Variants in GDPD5 observed in about 807,000 individuals in gnomAD.
GDPD5 encodes the protein glycerophosphodiester phosphodiesterase domain containing 5.
In GDPD5, 48 loss-of-function variants were observed where a neutral mutation model predicts 75.1. That is an observed-to-expected ratio of 0.64 (90% CI 0.51 to 0.81). GDPD5 has a LOEUF of 0.81. GDPD5 is among the 40% of genes least tolerant of loss of function. The pLI, the probability that GDPD5 is intolerant of heterozygous loss-of-function variation, is 0.00. For synonymous variants in GDPD5, 336 were observed against 339.0 expected, an observed-to-expected ratio of 0.99 and a Z score of 0.10; for missense variants, 706 against 822.6, an observed-to-expected ratio of 0.86 and a Z score of 1.73.
chr11:75,501,720 C>A (rs1174813282), intron 1 of GDPD5, among the ~76,000 whole-genome samples: 1 of 152,132 alleles, frequency 6.6e-6, no homozygotes, highest in Non-Finnish European at 1.5e-5. Flanking sequence ...AGAGCAGGAG[C>A]CGCTCTCCAC....
intron 6 of GDPD5, 148 bp downstream of exon 6, chr11:75,456,609 C>G (rs775701348): frequency 5.5e-5 from 38 of 694,944 alleles, no homozygotes; most frequent in Non-Finnish European, 8.6e-5. Flanking sequence ...GAGAAAAGTG[C>G]TTGGCGCATA....
chr11:75,503,381 C>T (rs1271872995), intron 1 of GDPD5, among the ~76,000 whole-genome samples: 1 of 152,166 alleles, frequency 6.6e-6, no homozygotes, highest in Non-Finnish European at 1.5e-5. Context: ...ACAACAGTAA[C>T]TGGAACAAAT....
At chr11:75,463,050 G>A (rs945813601) in intron 3 of GDPD5, among the ~76,000 whole-genome samples, 161 bp from the exon 4 acceptor site, 2 of 152,218 alleles carry the variant, frequency 1.3e-5, no homozygotes, top group African/African-American at 2.4e-5. Context: ...TCAGAGAGGG[G>A]AAGTGACCTG....
chr11:75,449,988 A>T lies in GDPD5; in HGVS notation c.376-5T>A. On this transcript the variant is annotated splice_region_variant and splice_polypyrimidine_tract_variant and intron_variant, in intron 6 of 16. Coordinates refer to ENST00000336898, the MANE Select transcript of GDPD5 (RefSeq NM_030792.8). ...CAGGATGACCACCAGCCCGATCTGG[A>T]GGGGGAAGAGTCACCGGACAGAGGC... The T allele has an allele frequency of 6.2e-7, 1 of 1,612,618 alleles. No homozygotes were observed. The highest frequency in any genetic ancestry group is 8.5e-7 in the Non-Finnish European group (1 of 1,179,276).
intron 2 of GDPD5, 37 bp from the exon 3 acceptor site, chr11:75,477,832 G>T: frequency 3.9e-6 from 3 of 776,154 alleles, no homozygotes; most frequent in South Asian, 4.3e-5. Context: ...GGCAGGGGAA[G>T]GGTGAGGAGT....
chr11:75,500,798 A>G (rs953783279), intron 1 of GDPD5, among the ~76,000 whole-genome samples: 3 of 151,546 alleles, frequency 2.0e-5, no homozygotes, highest in South Asian at 2.1e-4. Flanking sequence ...CACCCTCCCC[A>G]TCTCCCTTTT....
At chr11:75,488,036 T>A (rs903609223) in intron 2 of GDPD5, among the ~76,000 whole-genome samples, 1 of 152,112 alleles carries the variant, frequency 6.6e-6, no homozygotes, top group Non-Finnish European at 1.5e-5. Flanking sequence ...AGCCTCCCCT[T>A]CCATTCAGAA....
intron 2 of GDPD5, among the ~76,000 whole-genome samples, chr11:75,486,744 G>T (rs887372768): frequency 2.6e-5 from 4 of 152,180 alleles, no homozygotes; most frequent in African/African-American, 9.7e-5. Flanking sequence ...TCCTGACTGG[G>T]TCACTATCTC....
intron 1 of GDPD5, among the ~76,000 whole-genome samples, chr11:75,496,842 G>A (rs142467228): frequency 0.011 from 1,530 of 141,454 alleles, 32 homozygotes; most frequent in African/African-American, 0.039. Flanking sequence ...GTGCAGTGGC[G>A]CGATCACAGC....
chr11:75,491,151 C>T (rs1332972699), intron 1 of GDPD5, among the ~76,000 whole-genome samples: 1 of 152,198 alleles, frequency 6.6e-6, no homozygotes, highest in African/African-American at 2.4e-5. Context: ...ACCAAACACA[C>T]ACCTCTGTGT....
chr11:75,506,148 G>C (rs1047422254), intron 1 of GDPD5, among the ~76,000 whole-genome samples: 2 of 152,168 alleles, frequency 1.3e-5, no homozygotes, highest in East Asian at 3.9e-4. Flanking sequence ...CACACAGTAG[G>C]CACTCAATAA....
At chr11:75,441,414 C>T in intron 13 of GDPD5, 104 bp from the exon 14 acceptor site, 1 of 1,436,412 alleles carries the variant, frequency 7.0e-7, no homozygotes, top group South Asian at 1.3e-5. Flanking sequence ...ACAGCCATGC[C>T]CGGGGCAAGG....
chr11:75,513,867 G>T (rs1440017210), intron 1 of GDPD5, among the ~76,000 whole-genome samples: 1 of 152,214 alleles, frequency 6.6e-6, no homozygotes, highest in Non-Finnish European at 1.5e-5. Flanking sequence ...CTCCACTCCT[G>T]CTGAGGACCT....
chr11:75,519,416 GTTCA>G (rs1950709958), intron 1 of GDPD5, among the ~76,000 whole-genome samples: 1 of 152,148 alleles, frequency 6.6e-6, no homozygotes, highest in South Asian at 2.1e-4. Context: ...CTACCAGGCT[GTTCA>G]TTCATTCATT....
rs754690139 is a variant in GDPD5 at position 75,439,978 on chromosome 11, C to T, written c.1474-17G>A. The T allele has an allele frequency of 1.3e-5, 21 of 1,603,948 alleles. No homozygotes were observed. The highest frequency in any genetic ancestry group is 1.7e-4 in the Middle Eastern group (1 of 6,046). On this transcript the variant is annotated splice_polypyrimidine_tract_variant and intron_variant, in intron 14 of 16. Coordinates refer to ENST00000336898, the MANE Select transcript of GDPD5 (RefSeq NM_030792.8). ...GTCCGGGGGCTGTGGACAGACGGCCCGAGGCCAACTTCCAGTCATGGCCAG... is the reference window on the plus strand; with the variant it reads ...GTCCGGGGGCTGTGGACAGACGGCCTGAGGCCAACTTCCAGTCATGGCCAG...
At chr11:75,522,602 T>A (rs1487788984) in intron 1 of GDPD5, among the ~76,000 whole-genome samples, 1 of 151,984 alleles carries the variant, frequency 6.6e-6, no homozygotes, top group Non-Finnish European at 1.5e-5. Context: ...AGACAGGACA[T>A]CATCAACCCC....
At position 75,452,392 on chromosome 11, in the gene GDPD5, G is replaced by A. The variant is rs1949183920; in HGVS notation, c.376-2409C>T. 2.0e-5 allele frequency: 3 copies of A among 152,406 alleles called. 1 individual carries two copies. Among genetic ancestry groups the A allele is most frequent in the South Asian group, 4.1e-4 (2 of 4,830 alleles). 9.4% of individuals were successfully genotyped at this position (152,406 alleles called of 1,614,324 possible). The stretch of plus-strand genomic sequence containing the variant: ...GGGGAAGATCAGTGAGGAAATGCAA[G>A]TGAAATGCTTAGTACAACGGCTGGC... On this transcript the variant is annotated intron_variant, in intron 6 of 16. Coordinates refer to ENST00000336898, the MANE Select transcript of GDPD5 (RefSeq NM_030792.8).
chr11:75,481,079 T>G (rs1209569028), intron 2 of GDPD5, among the ~76,000 whole-genome samples: 2 of 152,062 alleles, frequency 1.3e-5, no homozygotes, highest in African/African-American at 4.8e-5. Flanking sequence ...TTATGGTAAG[T>G]GCAGTGTATG....
At chr11:75,504,062 C>T (rs1394994774) in intron 1 of GDPD5, among the ~76,000 whole-genome samples, 2 of 152,252 alleles carry the variant, frequency 1.3e-5, no homozygotes, top group East Asian at 3.8e-4. Context: ...CCCTGCCCCT[C>T]TCTGTGCACA....
Sources: gnomAD v4.1 joint callset for allele counts (sites outside exome capture counted in the v4.1 genomes callset) on GRCh38, gnomAD v4.1.1 for gene constraint, MANE v1.5 for transcripts, NCBI Gene and HGNC (gene_info 2026-07-23, HGNC 2026-07-21) for gene names.